FAM13A: variants seen among roughly 807,000 people sequenced by gnomAD.
The protein encoded by FAM13A is protein FAM13A.
Under a neutral mutation model 129.6 loss-of-function variants are expected in FAM13A, and 76 were observed. The ratio of observed to expected loss-of-function variants is 0.59; its 90% CI spans 0.49 to 0.71. The LOEUF is 0.71. Among genes scored for constraint, FAM13A ranks in the 30% least tolerant of loss-of-function variants. FAM13A has a pLI of 0.00. For synonymous variants in FAM13A, 443 were observed against 449.9 expected (o/e 0.98, Z 0.20); for missense variants, 1,108 against 1,249.3 (o/e 0.89, Z 1.70).
intron 21 of FAM13A, among the ~76,000 whole-genome samples, chr4:88,733,687 G>C (rs919161085): frequency 1.3e-5 from 2 of 152,310 alleles, no homozygotes; most frequent in South Asian, 4.1e-4. Flanking sequence ...GTTTACTGCT[G>C]TCCCCAGAGC....
intron 4 of FAM13A, among the ~76,000 whole-genome samples, chr4:88,982,265 A>G (rs1427718497): frequency 6.6e-6 from 1 of 152,254 alleles, no homozygotes; most frequent in African/African-American, 2.4e-5. Context: ...GAACTATGAC[A>G]ACTGAGGTTA....
chr4:88,929,050 C>G (rs1752649486), intron 5 of FAM13A, among the ~76,000 whole-genome samples: 1 of 152,014 alleles, frequency 6.6e-6, no homozygotes, highest in Non-Finnish European at 1.5e-5. Flanking sequence ...TTTAAGACGC[C>G]TTTGGCCATT....
chr4:88,970,019 T>C (rs756304589), intron 4 of FAM13A, among the ~76,000 whole-genome samples: 8 of 152,220 alleles, frequency 5.3e-5, no homozygotes, highest in Non-Finnish European at 1.2e-4. Context: ...ACCCAGCCTC[T>C]TGCTATCACA....
intron 23 of FAM13A, chr4:88,729,073 TTTTTTTTC>T (rs1205803486): frequency 6.5e-6 from 1 of 152,970 alleles, no homozygotes; most frequent in African/African-American, 2.5e-5. Flanking sequence ...TTTTTTTTTT[TTTTTTTTC>T]CAAAAACAGA....
At chr4:88,794,661 G>A (rs1327225550) in intron 8 of FAM13A, among the ~76,000 whole-genome samples, 2 of 151,660 alleles carry the variant, frequency 1.3e-5, no homozygotes, top group South Asian at 2.1e-4. Flanking sequence ...AAATATTACC[G>A]TTTTATTAGG....
At chr4:88,991,822 T>C (rs1762955838) in intron 3 of FAM13A, among the ~76,000 whole-genome samples, 1 of 152,182 alleles carries the variant, frequency 6.6e-6, no homozygotes, top group Admixed American at 6.5e-5. Flanking sequence ...CTGAGCTTTT[T>C]TTCAACTAAG....
intron 7 of FAM13A, among the ~76,000 whole-genome samples, chr4:88,811,323 A>G (rs1729627202): frequency 6.6e-6 from 1 of 152,160 alleles, no homozygotes; most frequent in African/African-American, 2.4e-5. Context: ...TGAGACTCAG[A>G]GAGACAGTGA....
chr4:88,788,733 C>T (rs1394391745), intron 9 of FAM13A, among the ~76,000 whole-genome samples: 2 of 152,226 alleles, frequency 1.3e-5, no homozygotes, highest in Middle Eastern at 3.4e-3. Flanking sequence ...GTATGGAAAG[C>T]TCTTAACTCA....
chr4:89,023,951 G>C (rs974460419), intron 2 of FAM13A, among the ~76,000 whole-genome samples: 2 of 152,142 alleles, frequency 1.3e-5, no homozygotes, highest in Non-Finnish European at 2.9e-5. Flanking sequence ...ATATTTGGAT[G>C]ACTTCATGAA....
chr4:88,827,294 G>A (rs1000282157), intron 7 of FAM13A, among the ~76,000 whole-genome samples: 18 of 151,876 alleles, frequency 1.2e-4, no homozygotes, highest in Admixed American at 3.3e-4. Flanking sequence ...TTTCCTCCTC[G>A]TTTAGCCCTG....
intron 2 of FAM13A, among the ~76,000 whole-genome samples, chr4:89,025,799 G>A (rs947269398): frequency 1.6e-4 from 25 of 152,140 alleles, no homozygotes; most frequent in Non-Finnish European, 7.3e-5. Flanking sequence ...AGAACACACA[G>A]ACGCATACTT....
intron 22 of FAM13A, 88 bp downstream of exon 22, chr4:88,731,914 C>T: frequency 9.4e-7 from 1 of 1,062,714 alleles, no homozygotes; most frequent in Non-Finnish European, 1.3e-6. Context: ...ATTTTATCAG[C>T]TAATTTATTT....
At chr4:88,891,615 A>G (rs1413490423) in intron 6 of FAM13A, among the ~76,000 whole-genome samples, 1 of 152,216 alleles carries the variant, frequency 6.6e-6, no homozygotes, top group Non-Finnish European at 1.5e-5. Flanking sequence ...CAGGTTGAGA[A>G]CTGGTTTATT....
chr4:89,019,536 GAATC>G (rs1766961289), intron 3 of FAM13A, among the ~76,000 whole-genome samples: 1 of 152,072 alleles, frequency 6.6e-6, no homozygotes, highest in African/African-American at 2.4e-5. Flanking sequence ...CAAGATGGGT[GAATC>G]ACCTGAGGTC....
intron 6 of FAM13A, among the ~76,000 whole-genome samples, chr4:88,900,199 G>C (rs937593836): frequency 6.6e-6 from 1 of 152,048 alleles, no homozygotes; most frequent in Admixed American, 6.6e-5. Context: ...AACCAAGTTG[G>C]AAAACATACT....
chr4:88,866,556 T>C (rs940551948), intron 6 of FAM13A, among the ~76,000 whole-genome samples: 3 of 152,094 alleles, frequency 2.0e-5, no homozygotes, highest in African/African-American at 7.2e-5. Flanking sequence ...AATTATTAGA[T>C]CTGACCCAAC....
At chr4:88,757,865 C>T (rs1245652855) in intron 14 of FAM13A, among the ~76,000 whole-genome samples, 2 of 152,114 alleles carry the variant, frequency 1.3e-5, no homozygotes, top group African/African-American at 4.8e-5. Flanking sequence ...AGGAGATCCA[C>T]GTGCTGAAAC....
At chr4:88,833,585 A>G (rs992185674) in intron 7 of FAM13A, among the ~76,000 whole-genome samples, 2 of 152,220 alleles carry the variant, frequency 1.3e-5, no homozygotes, top group African/African-American at 4.8e-5. Flanking sequence ...ATATTTAAAA[A>G]TTCCACATAA....
At chr4:88,988,940 G>A (rs1762593972) in intron 4 of FAM13A, among the ~76,000 whole-genome samples, 1 of 152,130 alleles carries the variant, frequency 6.6e-6, no homozygotes, top group Admixed American at 6.5e-5. Flanking sequence ...GCTACATGAG[G>A]GTCGGGCCTG....
Sources: allele counts gnomAD v4.1 joint callset (sites outside exome capture counted in the v4.1 genomes callset), GRCh38; gene constraint gnomAD v4.1.1; transcripts MANE v1.5; gene names NCBI Gene and HGNC (gene_info 2026-07-23, HGNC 2026-07-21).